CNTN4: variants seen among roughly 807,000 people sequenced by gnomAD.
CNTN4 encodes the protein contactin 4, also known as contactin-4.
A neutral mutation model predicts 122.5 loss-of-function variants in CNTN4; 77 were observed. The observed-to-expected ratio is 0.63, with a 90% CI of 0.52 to 0.76. The LOEUF (loss-of-function observed/expected upper bound fraction) is 0.76. Ranked by LOEUF, CNTN4 falls within the 30% of genes least tolerant of loss-of-function variation. The pLI is 0.00. For missense variants in CNTN4, 1,256 were observed against 1,259.1 expected, an observed-to-expected ratio of 1.00 and a Z score of 0.04; for synonymous variants, 512 against 447.0, an observed-to-expected ratio of 1.15 and a Z score of -1.83.
intron 2 of CNTN4, among the ~76,000 whole-genome samples, chr3:2,276,047 G>A (rs1021824262): frequency 2.0e-5 from 3 of 151,402 alleles, no homozygotes; most frequent in African/African-American, 7.3e-5. Flanking sequence ...ATTGCTTTTT[G>A]TATGTCTATA....
Position 2,213,659 on chromosome 3 carries a change from A to G in CNTN4, c.-145+113020A>G, listed in dbSNP as rs549969900. On this transcript the variant is annotated intron_variant, in intron 2 of 24. Transcript: ENST00000418658. ...CAGATAAAATGCACTCCAGGCTCCC[A>G]TTGGTGTTCGCAAATGCCAGTCACC... Among the ~76,000 whole-genome samples the G allele has an allele frequency of 1.1e-3, 168 of 152,282 alleles. No individual in the cohort carries two copies. The Middle Eastern group carries it at 0.014, about 12-fold the overall frequency.
rs190700296 is a variant in CNTN4 at position 2,136,447 on chromosome 3, A to G, written c.-145+35808A>G. ...TAGTAAGTGATATAGCCAACTAATA[A>G]CTAATTAATTAATGTTTCATACTCC... On this transcript the variant is annotated intron_variant, in intron 2 of 24. Coordinates refer to ENST00000418658, the MANE Select transcript of CNTN4 (RefSeq NM_175607.3). Among the ~76,000 whole-genome samples, 289 of 152,340 alleles carry G rather than the reference A, an allele frequency of 1.9e-3. 1 individual carries two copies. Among genetic ancestry groups the G allele is most frequent in the African/African-American group, 6.7e-3 (277 of 41,586 alleles).
chr3:2,322,784 T>G (rs1460125618), intron 2 of CNTN4, among the ~76,000 whole-genome samples: 1 of 152,236 alleles, frequency 6.6e-6, no homozygotes, highest in Admixed American at 6.5e-5. Context: ...TGAAATATGC[T>G]GTTAAGTGTC....
chr3:2,700,768 T>C (rs1250422600), intron 4 of CNTN4, among the ~76,000 whole-genome samples: 6 of 152,204 alleles, frequency 3.9e-5, no homozygotes, highest in African/African-American at 1.2e-4. Flanking sequence ...TTCCCTCAAA[T>C]TGGCCATGAA....
intron 3 of CNTN4, among the ~76,000 whole-genome samples, chr3:2,426,635 A>G (rs953659200): frequency 1.7e-4 from 26 of 152,178 alleles, no homozygotes; most frequent in South Asian, 4.1e-4. Context: ...GAATAGTTTC[A>G]GAAGGAATGG....
intron 2 of CNTN4, among the ~76,000 whole-genome samples, chr3:2,147,037 T>C (rs1190521583): frequency 1.3e-5 from 2 of 151,956 alleles, no homozygotes; most frequent in African/African-American, 2.4e-5. Flanking sequence ...CTCACCACCA[T>C]GCCCAGCTAA....
At chr3:2,550,765 T>C (rs555188434) in intron 3 of CNTN4, among the ~76,000 whole-genome samples, 2 of 152,214 alleles carry the variant, frequency 1.3e-5, no homozygotes, top group East Asian at 1.9e-4. Flanking sequence ...GAATACTACG[T>C]AGCCATAAAA....
At chr3:2,236,812 A>C (rs1247773653) in intron 2 of CNTN4, among the ~76,000 whole-genome samples, 1 of 152,230 alleles carries the variant, frequency 6.6e-6, no homozygotes, top group African/African-American at 2.4e-5. Flanking sequence ...TGCAGTCACA[A>C]ATCACACATC....
At chr3:3,037,113 A>T in intron 17 of CNTN4, 66 bp from the exon 18 acceptor site, 1 of 1,551,514 alleles carries the variant, frequency 6.4e-7, no homozygotes, top group South Asian at 1.1e-5. Flanking sequence ...CTATCTTCCT[A>T]ACGTAATCTC....
chr3:2,762,608 G>T (rs1159150096), intron 6 of CNTN4, among the ~76,000 whole-genome samples: 1 of 152,132 alleles, frequency 6.6e-6, no homozygotes, highest in Non-Finnish European at 1.5e-5. Flanking sequence ...CCGTGTCTTT[G>T]CTATTGTGAA....
At chr3:2,392,551 A>G (rs1480481403) in intron 3 of CNTN4, among the ~76,000 whole-genome samples, 2 of 152,156 alleles carry the variant, frequency 1.3e-5, no homozygotes, top group Admixed American at 6.5e-5. Context: ...TATGGGGTAC[A>G]GTGTGATCTT....
intron 2 of CNTN4, among the ~76,000 whole-genome samples, chr3:2,197,559 C>T (rs574668436): frequency 6.6e-6 from 1 of 152,018 alleles, no homozygotes; most frequent in South Asian, 2.1e-4. Context: ...GACTCATAGG[C>T]TTTGTCAGTC....
chr3:3,042,215 A>G (rs986076660), intron 20 of CNTN4, 95 bp from the exon 21 acceptor site: 3 of 934,428 alleles, frequency 3.2e-6, no homozygotes, highest in African/African-American at 3.3e-5. Flanking sequence ...GGACGATTCT[A>G]TAACCATGAA....
At chr3:2,289,227 G>T (rs2042047321) in intron 2 of CNTN4, among the ~76,000 whole-genome samples, 1 of 152,192 alleles carries the variant, frequency 6.6e-6, no homozygotes, top group Non-Finnish European at 1.5e-5. Flanking sequence ...ATGATGGAGT[G>T]ATAGGTACAG....
At chr3:2,929,277 A>C (rs536220661) in intron 13 of CNTN4, among the ~76,000 whole-genome samples, 5 of 152,338 alleles carry the variant, frequency 3.3e-5, no homozygotes, top group South Asian at 2.1e-4. Flanking sequence ...TGAGGAATTA[A>C]GCCTACTAAC....
At chr3:2,693,723 T>C (rs548896756) in intron 4 of CNTN4, among the ~76,000 whole-genome samples, 8 of 152,292 alleles carry the variant, frequency 5.3e-5, no homozygotes, top group Non-Finnish European at 8.8e-5. Context: ...TCTGCTGTTC[T>C]AGTGTTTGGG....
chr3:2,205,631 G>A (rs2038306198), intron 2 of CNTN4, among the ~76,000 whole-genome samples: 1 of 152,022 alleles, frequency 6.6e-6, no homozygotes, highest in African/African-American at 2.4e-5. Flanking sequence ...GACAGGCACA[G>A]AATGGCCATT....
chr3:2,248,856 G>C (rs1158117973), intron 2 of CNTN4, among the ~76,000 whole-genome samples: 1 of 151,968 alleles, frequency 6.6e-6, no homozygotes, highest in East Asian at 1.9e-4. Flanking sequence ...ATGAAATTCA[G>C]CTGAATTTTA....
chr3:2,247,669 T>G (rs1378790481), intron 2 of CNTN4, among the ~76,000 whole-genome samples: 1 of 152,016 alleles, frequency 6.6e-6, no homozygotes, highest in Non-Finnish European at 1.5e-5. Flanking sequence ...GGCAAATGAT[T>G]ATAAGTTGAC....
Sources: gnomAD v4.1 joint callset for allele counts (sites outside exome capture counted in the v4.1 genomes callset) on GRCh38, gnomAD v4.1.1 for gene constraint, MANE v1.5 for transcripts, NCBI Gene and HGNC (gene_info 2026-07-23, HGNC 2026-07-21) for gene names.